Variants in CDH18 observed in about 807,000 individuals in gnomAD.
The protein encoded by CDH18 is cadherin-18.
CDH18 carries 31 observed loss-of-function variants against 67.9 expected under a neutral mutation model. The ratio of observed to expected loss-of-function variants is 0.46; its 90% CI spans 0.34 to 0.62. CDH18 has a LOEUF of 0.62. Among genes scored for constraint, CDH18 ranks in the 20% least tolerant of loss-of-function variants. The probability of loss-of-function intolerance (pLI) is 0.01; values close to 1 mark genes in which losing one functional copy is unlikely to be tolerated. For synonymous variants in CDH18, 362 were observed against 347.2 expected, an observed-to-expected ratio of 1.04 and a Z score of -0.48; for missense variants, 890 against 975.5, an observed-to-expected ratio of 0.91 and a Z score of 1.17.
Position 20,460,612 on chromosome 5 carries a change from T to TAGTCA in CDH18, c.-580+114849_-580+114850insTGACT, listed in dbSNP as rs1379123293. ...TTTGCTTATAGTCAGATTTCATCTT[T>TAGTCA]GAACAGTGAAACCTACATTTGAGAT... On this transcript the variant is annotated intron_variant, in intron 1 of 14. Transcript: ENST00000507958. Among the ~76,000 whole-genome samples the TAGTCA allele has an allele frequency of 8.0e-3, 1,216 of 152,134 alleles. 16 individuals are homozygous for TAGTCA. The highest frequency in any genetic ancestry group is 0.028 in the African/African-American group (1,160 of 41,510).
intron 2 of CDH18, among the ~76,000 whole-genome samples, chr5:19,955,534 C>A (rs572078875): frequency 6.6e-6 from 1 of 151,974 alleles, no homozygotes; most frequent in Non-Finnish European, 1.5e-5. Context: ...TTAAAGAATA[C>A]ACATTAAGAG....
At chr5:20,154,470 T>C (rs1751368717) in intron 2 of CDH18, among the ~76,000 whole-genome samples, 1 of 152,164 alleles carries the variant, frequency 6.6e-6, no homozygotes, top group South Asian at 2.1e-4. Flanking sequence ...TCTCACTTAT[T>C]TTACATTTCA....
Position 19,954,361 on chromosome 5 carries a change from G to A in CDH18, c.-257+26699C>T, listed in dbSNP as rs369100072. Among the ~76,000 whole-genome samples the A allele has an allele frequency of 2.6e-5, 4 of 151,848 alleles. No homozygotes were observed. In the East Asian group the frequency reaches 5.8e-4, roughly 22 times the overall value. On this transcript the variant is annotated intron_variant, in intron 2 of 12. Coordinates refer to ENST00000382275, the MANE Select transcript of CDH18 (RefSeq NM_004934.5). ...ATACTGTGAATAAAAGAGAAGCAAC[G>A]GTTAAAATTTAAGTGGTAAAAAAGT...
intron 2 of CDH18, among the ~76,000 whole-genome samples, chr5:19,973,463 T>C (rs919160940): frequency 1.3e-5 from 2 of 152,162 alleles, no homozygotes; most frequent in Non-Finnish European, 2.9e-5. Flanking sequence ...GCAGGAAATC[T>C]CTTAAACCTT....
intron 4 of CDH18, among the ~76,000 whole-genome samples, chr5:19,735,660 G>A (rs1452632042): frequency 6.6e-6 from 1 of 152,136 alleles, no homozygotes; most frequent in Non-Finnish European, 1.5e-5. Context: ...CTCCCAAAGT[G>A]CTGGGATTAC....
chr5:19,834,427 G>A (rs1403857503), intron 3 of CDH18, among the ~76,000 whole-genome samples: 2 of 149,524 alleles, frequency 1.3e-5, no homozygotes, highest in East Asian at 3.9e-4. Flanking sequence ...TTCTTTATTA[G>A]TCTAGCTAAC....
intron 2 of CDH18, among the ~76,000 whole-genome samples, chr5:20,127,407 A>G (rs1748924589): frequency 6.6e-6 from 1 of 152,122 alleles, no homozygotes; most frequent in Admixed American, 6.5e-5. Flanking sequence ...AGAATGGACT[A>G]ATACAACAAG....
At chr5:19,962,095 T>C (rs1796960605) in intron 2 of CDH18, among the ~76,000 whole-genome samples, 1 of 151,948 alleles carries the variant, frequency 6.6e-6, no homozygotes, top group East Asian at 1.9e-4. Context: ...AGAGTTTTAA[T>C]TGATTTCCCC....
intron 3 of CDH18, among the ~76,000 whole-genome samples, chr5:19,749,859 C>G (rs1770609823): frequency 1.3e-5 from 2 of 151,460 alleles, no homozygotes; most frequent in Non-Finnish European, 3.0e-5. Context: ...ACCTAGTTAA[C>G]AGCATAAATG....
intron 11 of CDH18, among the ~76,000 whole-genome samples, chr5:19,486,413 G>C (rs1200097906): frequency 6.6e-6 from 1 of 151,686 alleles, no homozygotes; most frequent in African/African-American, 2.4e-5. Flanking sequence ...GTATATATCA[G>C]ACACAATAAA....
intron 1 of CDH18, among the ~76,000 whole-genome samples, chr5:20,558,558 G>A (rs1758037426): frequency 6.6e-6 from 1 of 152,048 alleles, no homozygotes; most frequent in Non-Finnish European, 1.5e-5. Flanking sequence ...ATGTCTGGTG[G>A]TTTGGTAGCT....
At chr5:20,445,588 G>C (rs1421568011) in intron 1 of CDH18, among the ~76,000 whole-genome samples, 1 of 152,290 alleles carries the variant, frequency 6.6e-6, no homozygotes, top group East Asian at 1.9e-4. Flanking sequence ...AGCTAAGACT[G>C]AATGTGAAAT....
At chr5:20,499,285 T>C (rs1029078122) in intron 1 of CDH18, among the ~76,000 whole-genome samples, 4 of 152,154 alleles carry the variant, frequency 2.6e-5, no homozygotes, top group African/African-American at 9.6e-5. Flanking sequence ...ATCATCTCTC[T>C]ATTACTTAGA....
intron 9 of CDH18, among the ~76,000 whole-genome samples, chr5:19,527,897 A>G (rs1011720423): frequency 1.3e-5 from 2 of 151,712 alleles, no homozygotes; most frequent in African/African-American, 2.4e-5. Flanking sequence ...TATATATATC[A>G]TTAATATTAT....
intron 10 of CDH18, among the ~76,000 whole-genome samples, chr5:19,511,829 G>T (rs1464669089): frequency 2.0e-5 from 3 of 152,100 alleles, no homozygotes; most frequent in Non-Finnish European, 4.4e-5. Flanking sequence ...GCCTGACAAT[G>T]AAATAAAAAA....
At chr5:20,291,406 A>T (rs188029216) in intron 1 of CDH18, among the ~76,000 whole-genome samples, 2,221 of 152,266 alleles carry the variant, frequency 0.015, 31 homozygotes, top group South Asian at 0.03. Context: ...CTTAAGGGTG[A>T]TGGTGGGGAA....
At chr5:20,542,086 C>G (rs1757080281) in intron 1 of CDH18, among the ~76,000 whole-genome samples, 1 of 152,164 alleles carries the variant, frequency 6.6e-6, no homozygotes, top group South Asian at 2.1e-4. Flanking sequence ...GCTGGGACTA[C>G]AGGCATGCAC....
chr5:20,162,452 T>C (rs1186270784), intron 2 of CDH18, among the ~76,000 whole-genome samples: 1 of 147,488 alleles, frequency 6.8e-6, no homozygotes, highest in African/African-American at 2.5e-5. Flanking sequence ...TGTATATATA[T>C]TATATATACA....
At chr5:19,994,738 T>G (rs866306501) in intron 2 of CDH18, among the ~76,000 whole-genome samples, 53 of 13,556 alleles carry the variant, frequency 3.9e-3, no homozygotes, top group African/African-American at 7.8e-3. Flanking sequence ...TATATATATA[T>G]AGAGAGAGAG....
Sources: gnomAD v4.1 joint callset for allele counts (sites outside exome capture counted in the v4.1 genomes callset) on GRCh38, gnomAD v4.1.1 for gene constraint, MANE v1.5 for transcripts, NCBI Gene and HGNC (gene_info 2026-07-23, HGNC 2026-07-21) for gene names.